SPG21: variants seen among roughly 807,000 people sequenced by gnomAD.
The protein encoded by SPG21 is SPG21 abhydrolase domain containing, maspardin.
In SPG21, 26 loss-of-function variants were observed where a neutral mutation model predicts 38.9. That is an observed-to-expected ratio of 0.67 (90% CI 0.49 to 0.93). SPG21 has a LOEUF of 0.93. SPG21 is among the 40% of genes least tolerant of loss of function. The probability of loss-of-function intolerance (pLI) is 0.00; values close to 1 mark genes in which losing one functional copy is unlikely to be tolerated. For synonymous variants in SPG21, 136 were observed against 128.9 expected (o/e 1.05, Z -0.37); for missense variants, 333 against 376.5 (o/e 0.88, Z 0.96).
At chr15:64,963,806 G>T in intron 8 of SPG21, 70 bp from the exon 9 acceptor site, 1 of 1,391,742 alleles carries the variant, frequency 7.2e-7, no homozygotes, top group Middle Eastern at 2.4e-4. Context: ...GCCCAGGCTG[G>T]AGTGCAGTGG....
Position 64,979,716 on chromosome 15 carries a change from T to C in SPG21, c.225+1148A>G, listed in dbSNP as rs138442464. Among the ~76,000 whole-genome samples the C allele has an allele frequency of 4.8e-3, 731 of 151,940 alleles. 7 individuals carry two copies. The highest frequency in any genetic ancestry group is 0.017 in the African/African-American group (707 of 41,428). On this transcript the variant is annotated intron_variant, in intron 3 of 8. Coordinates refer to ENST00000204566, the MANE Select transcript of SPG21 (RefSeq NM_016630.7). ...ATCCCTTTAAACAGTAAATAAAACG[T>C]ACACTAACAGCAGTACTCCCACTGG...
At chr15:64,979,291 T>C (rs1223169535) in intron 3 of SPG21, among the ~76,000 whole-genome samples, 3 of 152,128 alleles carry the variant, frequency 2.0e-5, no homozygotes, top group Admixed American at 1.3e-4. Context: ...CGGGCGCCTA[T>C]GGGTTGCTCG....
In SPG21 at chr15:64,970,169, GA is replaced by G; in HGVS notation, c.505del (p.Ser169HisfsTer8). The G allele has an allele frequency of 6.2e-7, 1 of 1,614,128 alleles. No homozygotes were observed. Among genetic ancestry groups the G allele is most frequent in the South Asian group, 1.1e-5 (1 of 91,084 alleles). ...CATCATAGGGTCCACCGGGCCAGAT[GA>G]AAAATTTCCAAGAACTATTTTTTTG... ...MLKKIVLGNF[S>X]SGPVDPMMAD... On this transcript the variant is annotated frameshift_variant, in exon 6 of 9. Transcript: ENST00000204566. LOFTEE classifies it high-confidence loss of function.
intron 5 of SPG21, 92 bp from the exon 6 acceptor site, chr15:64,970,314 C>G: frequency 8.7e-7 from 1 of 1,146,820 alleles, no homozygotes; most frequent in Non-Finnish European, 1.3e-6. Flanking sequence ...AGCTTGGGAT[C>G]TAGAAATAAA....
intron 1 of SPG21, among the ~76,000 whole-genome samples, chr15:64,984,059 C>T (rs2085939502): frequency 1.3e-5 from 2 of 152,216 alleles, no homozygotes; most frequent in African/African-American, 4.8e-5. Context: ...GTTGGGATTA[C>T]AGGCGTGAGC....
chr15:64,975,134 A>G (rs1284891207), intron 4 of SPG21, among the ~76,000 whole-genome samples: 1 of 151,882 alleles, frequency 6.6e-6, no homozygotes, highest in Non-Finnish European at 1.5e-5. Flanking sequence ...AAAAATACAA[A>G]AAAACTAGCC....
intron 7 of SPG21, among the ~76,000 whole-genome samples, chr15:64,968,353 A>AG (rs1952460069): frequency 6.6e-6 from 1 of 151,606 alleles, no homozygotes; most frequent in African/African-American, 2.4e-5. Context: ...AAAAAAAAAA[A>AG]AAAAAAGAAA....
intron 6 of SPG21, 57 bp downstream of exon 6, chr15:64,970,057 A>G (rs565014866): frequency 1.6e-5 from 22 of 1,349,828 alleles, no homozygotes; most frequent in Non-Finnish European, 2.0e-5. Context: ...TCTGGAACCA[A>G]GTAGATGTGA....
At chr15:64,989,140 GCT>G (rs1016087247) in intron 1 of SPG21, 1 of 152,088 alleles carries the variant, frequency 6.6e-6, no homozygotes, top group African/African-American at 2.4e-5. Context: ...CTCCGGTCCC[GCT>G]CTGTTCCTCA....
intron 5 of SPG21, among the ~76,000 whole-genome samples, chr15:64,973,225 T>C (rs1440859686): frequency 6.6e-6 from 1 of 152,152 alleles, no homozygotes; most frequent in Non-Finnish European, 1.5e-5. Flanking sequence ...TGTCTTGGCC[T>C]CCCAAAGTGT....
intron 3 of SPG21, among the ~76,000 whole-genome samples, 154 bp downstream of exon 3, chr15:64,980,710 C>T (rs1363764388): frequency 6.7e-6 from 1 of 149,522 alleles, no homozygotes; most frequent in African/African-American, 2.5e-5. Flanking sequence ...TGCACTCCAG[C>T]CCGGGCGACA....
At chr15:64,984,930 T>C (rs1258947995) in intron 1 of SPG21, among the ~76,000 whole-genome samples, 1 of 151,888 alleles carries the variant, frequency 6.6e-6, no homozygotes, top group African/African-American at 2.4e-5. Flanking sequence ...TTTGTATTTT[T>C]AGTAGAGACG....
chr15:64,981,058 A>G (rs376849699), intron 2 of SPG21, 33 bp from the exon 3 acceptor site: 2 of 1,613,502 alleles, frequency 1.2e-6, no homozygotes, highest in African/African-American at 2.7e-5. Context: ...AAAGTGGAAA[A>G]CCTTATAAAT....
At chr15:64,986,148 A>AT (rs1397193788) in intron 1 of SPG21, among the ~76,000 whole-genome samples, 11 of 151,352 alleles carry the variant, frequency 7.3e-5, no homozygotes, top group Middle Eastern at 3.6e-3. Flanking sequence ...CAGGTGGATC[A>AT]CGAGGTCAGG....
At chr15:64,984,003 C>T (rs1409272701) in intron 1 of SPG21, among the ~76,000 whole-genome samples, 2 of 152,084 alleles carry the variant, frequency 1.3e-5, no homozygotes, top group Non-Finnish European at 2.9e-5. Context: ...AGGCTGGTCT[C>T]GAACTCCTGA....
At chr15:64,982,361 A>G (rs2085901670) in intron 2 of SPG21, among the ~76,000 whole-genome samples, 1 of 151,824 alleles carries the variant, frequency 6.6e-6, no homozygotes, top group Non-Finnish European at 1.5e-5. Context: ...GCCCAGGCTG[A>G]TCTCAAATTC....
In SPG21 at chr15:64,980,854, T is replaced by TAA. The variant is rs1454225910; in HGVS notation, c.225+8_225+9dup. On this transcript the variant is annotated intron_variant, in intron 3 of 8. Coordinates refer to ENST00000204566, the MANE Select transcript of SPG21 (RefSeq NM_016630.7). The stretch of plus-strand genomic sequence containing the variant: ...AAACGTGGGTCTGAATTTTAATCAG[T>TAA]AATACTTACAGCGATAACCCGGTAA... 1.2e-6 allele frequency: 2 copies of TAA among 1,610,672 alleles called. No individual in the cohort carries two copies. Among genetic ancestry groups the TAA allele is most frequent in the Non-Finnish European group, 1.7e-6 (2 of 1,179,404 alleles).
In SPG21 at chr15:64,969,323, T is replaced by G. The variant is rs1190729017; in HGVS notation, c.601A>C (p.Thr201Pro). 1.2e-6 allele frequency: 2 copies of G among 1,614,082 alleles called. No individual in the cohort carries two copies. Among genetic ancestry groups the G allele is most frequent in the South Asian group, 2.2e-5 (2 of 91,086 alleles). Residue 201 changes from threonine to proline, a missense_variant, in exon 7 of 9, where the codon ACC becomes CCC. Thr to Pro is a conservative substitution (Grantham distance 38, BLOSUM62 -1). Coordinates refer to ENST00000204566, the MANE Select transcript of SPG21 (RefSeq NM_016630.7). Reference protein sequence around the residue: ...LGQSELASRLTLNCQNSYVEP... With the variant: ...LGQSELASRLPLNCQNSYVEP... ...ACATAAGAATTTTGACAATTCAAGG[T>G]AAGTCTTGAAGCCAGTTCACTCTGA...
rs2085875908 is a variant in SPG21, at chr15:64,981,032, G to T, written c.64-7C>A. The T allele has an allele frequency of 1.2e-6, 2 of 1,613,852 alleles. No homozygotes were observed. The highest frequency in any genetic ancestry group is 2.7e-5 in the African/African-American group (2 of 74,838). On this transcript the variant is annotated splice_polypyrimidine_tract_variant and splice_region_variant and intron_variant, in intron 2 of 8. Transcript: ENST00000204566. ...CATCATCATCCACAATAATCTGGAG[G>T]GAAGGTTAAAAGAAAAAAGTGGAAA...
Sources: gnomAD v4.1 joint callset for allele counts (sites outside exome capture counted in the v4.1 genomes callset) on GRCh38, gnomAD v4.1.1 for gene constraint, MANE v1.5 for transcripts, NCBI Gene and HGNC (gene_info 2026-07-23, HGNC 2026-07-21) for gene names.